Variants in ZNF385D observed in about 807,000 individuals in gnomAD.
ZNF385D encodes the protein zinc finger protein 659.
In ZNF385D, 15 loss-of-function variants were observed where a neutral mutation model predicts 35.8. The observed-to-expected ratio is 0.42, with a 90% CI of 0.28 to 0.64. The LOEUF (loss-of-function observed/expected upper bound fraction) is 0.64. ZNF385D is among the 30% of genes least tolerant of loss of function. The pLI, the probability that ZNF385D is intolerant of heterozygous loss-of-function variation, is 0.23. For missense variants in ZNF385D, 474 were observed against 494.6 expected (o/e 0.96, Z 0.39); for synonymous variants, 212 against 186.8 (o/e 1.13, Z -1.10).
intron 1 of ZNF385D, among the ~76,000 whole-genome samples, chr3:21,713,615 C>G (rs540742981): frequency 6.6e-6 from 1 of 152,274 alleles, no homozygotes; most frequent in Non-Finnish European, 1.5e-5. Context: ...TATAGCACTT[C>G]GTTCCCTATC....
intron 2 of ZNF385D, among the ~76,000 whole-genome samples, chr3:22,215,457 G>T (rs536767482): frequency 2.0e-5 from 3 of 151,894 alleles, no homozygotes; most frequent in African/African-American, 7.2e-5. Context: ...TTCAGGGGGC[G>T]GCCGTCTTTT....
chr3:21,867,028 C>T (rs1022920705), intron 3 of ZNF385D, among the ~76,000 whole-genome samples: 2 of 152,034 alleles, frequency 1.3e-5, no homozygotes, highest in Non-Finnish European at 2.9e-5. Context: ...AAGAAAACTA[C>T]CTTGAGGTTG....
intron 3 of ZNF385D, among the ~76,000 whole-genome samples, chr3:21,515,713 G>A (rs1265094090): frequency 1.3e-5 from 2 of 152,190 alleles, no homozygotes; most frequent in Non-Finnish European, 2.9e-5. Context: ...GTTTAACATT[G>A]AGGCAAGGAT....
intron 4 of ZNF385D, among the ~76,000 whole-genome samples, chr3:21,460,330 T>A (rs1022014682): frequency 6.6e-6 from 1 of 152,216 alleles, no homozygotes; most frequent in African/African-American, 2.4e-5. Context: ...TCTAACTCTT[T>A]GTGTGTTTAA....
chr3:22,031,317 A>T (rs1424570308), intron 3 of ZNF385D, among the ~76,000 whole-genome samples: 1 of 152,156 alleles, frequency 6.6e-6, no homozygotes, highest in African/African-American at 2.4e-5. Context: ...GAGGTTCTTC[A>T]TGAGGGGCTC....
chr3:21,495,975 A>G (rs972201985), intron 4 of ZNF385D, among the ~76,000 whole-genome samples: 4 of 152,184 alleles, frequency 2.6e-5, no homozygotes, highest in African/African-American at 9.6e-5. Flanking sequence ...CTGGAAACAT[A>G]CAATCTTCCA....
At chr3:22,000,605 T>A (rs1390648562) in intron 3 of ZNF385D, among the ~76,000 whole-genome samples, 1 of 151,310 alleles carries the variant, frequency 6.6e-6, no homozygotes, top group Non-Finnish European at 1.5e-5. Flanking sequence ...CCTTTCACTT[T>A]GAAAAAAAAA....
intron 2 of ZNF385D, among the ~76,000 whole-genome samples, chr3:22,251,658 A>G (rs1700070272): frequency 6.6e-6 from 1 of 152,070 alleles, no homozygotes; most frequent in African/African-American, 2.4e-5. Flanking sequence ...GAGAACCAAA[A>G]TGTCTCCAAC....
intron 2 of ZNF385D, among the ~76,000 whole-genome samples, chr3:22,272,673 A>T (rs1198817627): frequency 6.6e-6 from 1 of 152,040 alleles, no homozygotes; most frequent in African/African-American, 2.4e-5. Flanking sequence ...TCCTCTTAGG[A>T]TATTGTCAGA....
chr3:22,154,567 T>C (rs1238620417), intron 3 of ZNF385D, among the ~76,000 whole-genome samples: 1 of 152,222 alleles, frequency 6.6e-6, no homozygotes, highest in East Asian at 1.9e-4. Flanking sequence ...CAAAGTGGAA[T>C]AGTCCTGGAG....
At chr3:21,826,530 T>C (rs1034418132) in intron 3 of ZNF385D, among the ~76,000 whole-genome samples, 6 of 151,928 alleles carry the variant, frequency 3.9e-5, no homozygotes, top group African/African-American at 1.5e-4. Flanking sequence ...CAGGAAGGAG[T>C]CCACTTGAAA....
chr3:22,202,842 G>C (rs940205263), intron 2 of ZNF385D, among the ~76,000 whole-genome samples: 2 of 152,122 alleles, frequency 1.3e-5, no homozygotes, highest in Non-Finnish European at 2.9e-5. Context: ...GGAGCATTTA[G>C]ATAAGCTCTA....
chr3:22,102,433 C>T (rs1402102795), intron 3 of ZNF385D, among the ~76,000 whole-genome samples: 2 of 151,978 alleles, frequency 1.3e-5, no homozygotes, highest in Admixed American at 6.6e-5. Context: ...AGAGTCCTTG[C>T]ACCTCATGGC....
At chr3:22,029,760 A>T (rs952324238) in intron 3 of ZNF385D, among the ~76,000 whole-genome samples, 6 of 152,108 alleles carry the variant, frequency 3.9e-5, no homozygotes, top group African/African-American at 1.4e-4. Flanking sequence ...TTCTAGTTGT[A>T]TGAAGGGTAG....
At chr3:21,821,713 C>T (rs1694243504) in intron 3 of ZNF385D, among the ~76,000 whole-genome samples, 1 of 152,082 alleles carries the variant, frequency 6.6e-6, no homozygotes, top group Non-Finnish European at 1.5e-5. Context: ...CTGTAATCAG[C>T]ACTTTGGAAG....
chr3:22,065,190 G>C (rs1178885765), intron 3 of ZNF385D, among the ~76,000 whole-genome samples: 1 of 152,172 alleles, frequency 6.6e-6, no homozygotes, highest in Non-Finnish European at 1.5e-5. Flanking sequence ...CAAAGAGAGT[G>C]TTGTGTGGCT....
At chr3:21,747,120 C>T (rs2069814013) in intron 1 of ZNF385D, among the ~76,000 whole-genome samples, 1 of 151,484 alleles carries the variant, frequency 6.6e-6, no homozygotes, top group Admixed American at 6.6e-5. Context: ...TATAGGCATG[C>T]CACCAAATGT....
intron 3 of ZNF385D, among the ~76,000 whole-genome samples, chr3:21,948,939 G>A (rs1019406437): frequency 7.9e-5 from 12 of 152,030 alleles, no homozygotes; most frequent in Non-Finnish European, 1.6e-4. Flanking sequence ...CAATTACATT[G>A]ACAAATTGCC....
At chr3:21,605,070 T>G (rs1257148591) in intron 2 of ZNF385D, among the ~76,000 whole-genome samples, 8 of 152,148 alleles carry the variant, frequency 5.3e-5, no homozygotes, top group Non-Finnish European at 5.9e-5. Context: ...AAATTACACT[T>G]TGTCCTAACA....
Sources: allele counts gnomAD v4.1 joint callset (sites outside exome capture counted in the v4.1 genomes callset), GRCh38; gene constraint gnomAD v4.1.1; transcripts MANE v1.5; gene names NCBI Gene and HGNC (gene_info 2026-07-23, HGNC 2026-07-21).